OCA2: variants seen among roughly 807,000 people sequenced by gnomAD.
OCA2 encodes P protein.
In OCA2, 77 loss-of-function variants were observed where a neutral mutation model predicts 100.2. The observed-to-expected ratio is 0.77, with a 90% CI of 0.64 to 0.93. The LOEUF (loss-of-function observed/expected upper bound fraction) is 0.93. Among genes scored for constraint, OCA2 ranks in the 40% least tolerant of loss-of-function variants. OCA2 has a pLI of 0.00. For synonymous variants in OCA2, 432 were observed against 439.2 expected, an observed-to-expected ratio of 0.98 and a Z score of 0.21; for missense variants, 1,062 against 1,089.1, an observed-to-expected ratio of 0.98 and a Z score of 0.35.
chr15:27,929,825 A>AAATT (rs71132826), intron 18 of OCA2, among the ~76,000 whole-genome samples: 7 of 149,082 alleles, frequency 4.7e-5, no homozygotes, highest in Admixed American at 6.8e-5. Context: ...CAAATGGGAA[A>AAATT]TATTTTAAAC....
intron 19 of OCA2, among the ~76,000 whole-genome samples, chr15:27,889,142 C>T (rs535692921): frequency 1.2e-4 from 18 of 152,248 alleles, no homozygotes; most frequent in African/African-American, 3.4e-4. Flanking sequence ...CAAATTGAGG[C>T]TTTCTAGTAA....
chr15:27,953,669 A>G (rs2040112921), intron 17 of OCA2, among the ~76,000 whole-genome samples: 1 of 152,168 alleles, frequency 6.6e-6, no homozygotes, highest in Non-Finnish European at 1.5e-5. Context: ...CCTGCAGCTC[A>G]TGGAAGTGGA....
At chr15:27,884,421 A>C (rs114273848) in intron 19 of OCA2, among the ~76,000 whole-genome samples, 2,364 of 152,264 alleles carry the variant, frequency 0.016, 52 homozygotes, top group African/African-American at 0.05. Context: ...CCTGTATGTC[A>C]ATTTTCCTCC....
chr15:27,769,309 G>A (rs1330425169), intron 23 of OCA2, among the ~76,000 whole-genome samples: 2 of 152,230 alleles, frequency 1.3e-5, no homozygotes, highest in South Asian at 2.1e-4. Flanking sequence ...TGTGTTACAC[G>A]CGTTTAGTTT....
At chr15:27,845,941 G>A (rs922526362) in intron 22 of OCA2, among the ~76,000 whole-genome samples, 3 of 152,178 alleles carry the variant, frequency 2.0e-5, no homozygotes, top group Non-Finnish European at 4.4e-5. Context: ...AACAGAGCAG[G>A]TGGAGGCCCC....
chr15:27,938,532 A>G (rs1287678637), intron 18 of OCA2, among the ~76,000 whole-genome samples: 2 of 152,212 alleles, frequency 1.3e-5, no homozygotes, highest in African/African-American at 4.8e-5. Flanking sequence ...GGAATGGTAC[A>G]GCCCTACAAA....
At chr15:27,856,301 T>C (rs1243771370) in intron 21 of OCA2, among the ~76,000 whole-genome samples, 2 of 152,188 alleles carry the variant, frequency 1.3e-5, no homozygotes, top group South Asian at 4.1e-4. Context: ...CCTCAGTATA[T>C]GTTTTGGGGA....
intron 11 of OCA2, among the ~76,000 whole-genome samples, chr15:27,988,862 C>T (rs2041449424): frequency 6.6e-6 from 1 of 152,218 alleles, no homozygotes; most frequent in Admixed American, 6.5e-5. Flanking sequence ...GATGGCGGCA[C>T]GGTTTCCATC....
chr15:27,738,854 T>C, the OCA2 span, among the ~76,000 whole-genome samples: 1 of 151,902 alleles, frequency 6.6e-6, no homozygotes, highest in East Asian at 1.9e-4. Context: ...ATATTTATAA[T>C]TTCCTTTATG....
intron 23 of OCA2, among the ~76,000 whole-genome samples, chr15:27,761,869 G>C (rs140839713): frequency 7.8e-4 from 119 of 152,268 alleles, no homozygotes; most frequent in African/African-American, 2.8e-3. Flanking sequence ...CTGTCATCCA[G>C]TCTGGAGCGC....
At chr15:27,915,697 A>G (rs996552520) in intron 19 of OCA2, among the ~76,000 whole-genome samples, 2 of 152,174 alleles carry the variant, frequency 1.3e-5, no homozygotes, top group African/African-American at 4.8e-5. Flanking sequence ...AAAGTGAAAA[A>G]TAACAGATGT....
At chr15:27,983,822 A>G (rs1411725235) in intron 13 of OCA2, among the ~76,000 whole-genome samples, 1 of 152,050 alleles carries the variant, frequency 6.6e-6, no homozygotes, top group Non-Finnish European at 1.5e-5. Context: ...TGTGGGGGTC[A>G]GTGTGGAGGC....
At chr15:27,904,586 C>T (rs1035159368) in intron 19 of OCA2, among the ~76,000 whole-genome samples, 4 of 152,158 alleles carry the variant, frequency 2.6e-5, no homozygotes, top group African/African-American at 9.7e-5. Context: ...AGCAGCAGCT[C>T]AGCCCCTCAC....
chr15:27,898,108 T>C (rs2037782815), intron 19 of OCA2, among the ~76,000 whole-genome samples: 1 of 152,236 alleles, frequency 6.6e-6, no homozygotes, highest in African/African-American at 2.4e-5. Context: ...TGCAGGCTCA[T>C]AGGCGGAAGG....
chr15:27,866,865 T>A (rs2036345574), intron 21 of OCA2, among the ~76,000 whole-genome samples: 1 of 152,148 alleles, frequency 6.6e-6, no homozygotes, highest in Non-Finnish European at 1.5e-5. Flanking sequence ...AGAACAGGCA[T>A]GGGTTCCTCC....
rs759074829 is a variant in OCA2, at chr15:27,985,163, A to G, written c.1265T>C (p.Val422Ala). Residue 422 changes from valine (V) to alanine (A), a missense_variant, in exon 13 of 24, where the codon GTG becomes GCG. By Grantham distance (64) the Val-to-Ala change is moderately conservative. Transcript: ENST00000354638. ...VKAYRLSRGR[V>A]WAMIIMLCLI... is the part of the protein sequence containing the mutation. ...ACAGAGCATGATGATCATGGCCCAC[A>G]CCCGTCCCCGGGAGAGCCGGTATGC... 6.2e-7 allele frequency: 1 copy of G among 1,613,726 alleles called. No individual in the cohort carries two copies. The highest frequency in any genetic ancestry group is 1.3e-5 in the African/African-American group (1 of 74,924).
At chr15:27,738,714 C>T in the OCA2 span, among the ~76,000 whole-genome samples, 414 of 109,644 alleles carry the variant, frequency 3.8e-3, no homozygotes, top group African/African-American at 0.015. Flanking sequence ...CAGCGAGACT[C>T]GGTCTCAGAA....
intron 19 of OCA2, among the ~76,000 whole-genome samples, chr15:27,892,543 T>C (rs978422612): frequency 5.5e-5 from 8 of 146,074 alleles, no homozygotes; most frequent in South Asian, 4.5e-4. Flanking sequence ...TAGAAACATA[T>C]AGGGTGCAAC....
At chr15:27,844,526 C>A (rs1472425728) in intron 23 of OCA2, among the ~76,000 whole-genome samples, 2 of 151,686 alleles carry the variant, frequency 1.3e-5, no homozygotes, top group Non-Finnish European at 2.9e-5. Context: ...TTTTTTTTTT[C>A]TTGAGACAGA....
Sources: allele counts gnomAD v4.1 joint callset (sites outside exome capture counted in the v4.1 genomes callset), GRCh38; gene constraint gnomAD v4.1.1; transcripts MANE v1.5; gene names NCBI Gene and HGNC (gene_info 2026-07-23, HGNC 2026-07-21).